The following GCNT1 variants were observed in gnomAD, a reference collection of about 807,000 sequenced individuals.
The protein encoded by GCNT1 is glucosaminyl (N-acetyl) transferase 1.
Under a neutral mutation model 26.2 loss-of-function variants are expected in GCNT1, and 16 were observed. The observed-to-expected ratio is 0.61, with a 90% CI of 0.41 to 0.93. The LOEUF (loss-of-function observed/expected upper bound fraction) is 0.93. Among genes scored for constraint, GCNT1 ranks in the 40% least tolerant of loss-of-function variants. GCNT1 has a pLI of 0.00. For synonymous variants in GCNT1, 183 were observed against 190.8 expected (o/e 0.96, Z 0.34); for missense variants, 477 against 526.7 (o/e 0.91, Z 0.92).
At chr9:76,470,728 A>G (rs1824113159) in intron 2 of GCNT1, among the ~76,000 whole-genome samples, 1 of 152,108 alleles carries the variant, frequency 6.6e-6, no homozygotes, top group Non-Finnish European at 1.5e-5. Flanking sequence ...AAAACATCAC[A>G]TTATACCCCA....
At chr9:76,432,152 G>A (rs1384372821) in intron 1 of GCNT1, among the ~76,000 whole-genome samples, 1 of 152,052 alleles carries the variant, frequency 6.6e-6, no homozygotes, top group Non-Finnish European at 1.5e-5. Flanking sequence ...GGTTTTAGAA[G>A]CTCCTTGCCA....
At chr9:76,394,535 C>T in the GCNT1 span, 19 of 185,148 alleles carry the variant, frequency 1.0e-4, no homozygotes, top group Admixed American at 3.1e-4. Context: ...GCCCGCTCGG[C>T]TTCCGTAGCC....
chr9:76,493,323 G>GT (rs1200206566), intron 2 of GCNT1, among the ~76,000 whole-genome samples: 1 of 152,126 alleles, frequency 6.6e-6, no homozygotes, highest in Admixed American at 6.5e-5. Context: ...AAGATACCAG[G>GT]TATCTCCAAA....
intron 2 of GCNT1, among the ~76,000 whole-genome samples, chr9:76,478,154 C>T (rs750469722): frequency 3.3e-5 from 5 of 152,202 alleles, no homozygotes; most frequent in South Asian, 2.1e-4. Flanking sequence ...GCCATCCCAG[C>T]GAGTAGCGGC....
intron 1 of GCNT1, among the ~76,000 whole-genome samples, chr9:76,421,438 T>A (rs1564218397): frequency 6.6e-6 from 1 of 150,698 alleles, no homozygotes; most frequent in African/African-American, 2.4e-5. Flanking sequence ...CATCTCTATT[T>A]AAAAAAAATA....
At chr9:76,485,061 A>C (rs1824535208) in intron 2 of GCNT1, among the ~76,000 whole-genome samples, 1 of 151,922 alleles carries the variant, frequency 6.6e-6, no homozygotes, top group African/African-American at 2.4e-5. Flanking sequence ...TGCTGGGATT[A>C]CTGGCGTGAG....
Position 76,503,725 on chromosome 9 carries a change from G to C in GCNT1, c.*57G>C, listed in dbSNP as rs1825159451. 6 of 1,367,262 alleles carry C rather than the reference G, an allele frequency of 4.4e-6. No individual in the cohort carries two copies. The highest frequency in any genetic ancestry group is 1.2e-5 in the South Asian group (1 of 83,140). 84.7% of individuals were successfully genotyped at this position (1,367,262 alleles called of 1,614,324 possible). A position where few individuals can be genotyped will look rare whatever the true frequency, so the allele number is the denominator to read the frequency against. ...GGATACACAAAACGTACCCTTATCTGTTTCCCCTTCCTTGTCAGCATCGGG... is the reference window on the plus strand; with the variant it reads ...GGATACACAAAACGTACCCTTATCTCTTTCCCCTTCCTTGTCAGCATCGGG... On this transcript the variant is annotated 3_prime_UTR_variant, in exon 4 of 4. Coordinates refer to ENST00000376730, the MANE Select transcript of GCNT1 (RefSeq NM_001490.5).
chr9:76,453,525 G>A (rs780422851), intron 1 of GCNT1, among the ~76,000 whole-genome samples: 22 of 150,110 alleles, frequency 1.5e-4, no homozygotes, highest in Non-Finnish European at 2.8e-4. Flanking sequence ...GTACTCAGTG[G>A]GGGAAGAGGA....
intron 2 of GCNT1, among the ~76,000 whole-genome samples, chr9:76,463,897 T>C (rs1399143113): frequency 2.6e-5 from 4 of 152,116 alleles, no homozygotes; most frequent in South Asian, 2.1e-4. Flanking sequence ...AAAAATGATA[T>C]TTAAAATAAG....
chr9:76,431,694 T>C (rs1163128368), intron 1 of GCNT1, among the ~76,000 whole-genome samples: 1 of 152,192 alleles, frequency 6.6e-6, no homozygotes, highest in Non-Finnish European at 1.5e-5. Context: ...GAGGTCAGGC[T>C]GATATCAAAG....
chr9:76,406,496 CAAAAAAAAA>C, the GCNT1 span, among the ~76,000 whole-genome samples: 4 of 62,466 alleles, frequency 6.4e-5, no homozygotes, highest in African/African-American at 1.7e-4. Flanking sequence ...GACCCTGTCT[CAAAAAAAAA>C]AAAAAAAAAG....
intron 2 of GCNT1, among the ~76,000 whole-genome samples, chr9:76,473,318 G>A (rs887580950): frequency 1.3e-5 from 2 of 152,120 alleles, no homozygotes; most frequent in East Asian, 1.9e-4. Flanking sequence ...ATTTATGTTT[G>A]TATTTTTCTC....
chr9:76,476,484 G>A (rs1264483096), intron 2 of GCNT1, among the ~76,000 whole-genome samples: 1 of 150,840 alleles, frequency 6.6e-6, no homozygotes, highest in African/African-American at 2.4e-5. Flanking sequence ...GAATTTCAAA[G>A]TAGACAATGA....
At chr9:76,440,839 G>A (rs915209307), upstream of GCNT1, among the ~76,000 whole-genome samples, 1 of 152,006 alleles carries the variant, frequency 6.6e-6, no homozygotes, top group Non-Finnish European at 1.5e-5. Flanking sequence ...GTTGAGGCGG[G>A]TGGATCACAA....
At chr9:76,424,453 G>A (rs1264952215) in intron 1 of GCNT1, among the ~76,000 whole-genome samples, 1 of 152,190 alleles carries the variant, frequency 6.6e-6, no homozygotes, top group African/African-American at 2.4e-5. Context: ...GGTAATGAAT[G>A]AATTTGGAAC....
intron 2 of GCNT1, among the ~76,000 whole-genome samples, chr9:76,489,362 G>T (rs1479126222): frequency 6.6e-6 from 1 of 152,180 alleles, no homozygotes; most frequent in Admixed American, 6.5e-5. Context: ...GACCTTTGCA[G>T]TGAGTGTTAC....
At chr9:76,408,186 AG>A in the GCNT1 span, among the ~76,000 whole-genome samples, 1 of 152,202 alleles carries the variant, frequency 6.6e-6, no homozygotes, top group African/African-American at 2.4e-5. Flanking sequence ...GAGTGGTAAG[AG>A]GGGAAATCTT....
At chr9:76,488,027 C>T (rs66499756) in intron 2 of GCNT1, among the ~76,000 whole-genome samples, 17,551 of 152,270 alleles carry the variant, frequency 0.12, 1,114 homozygotes, top group Middle Eastern at 0.19. Flanking sequence ...AGCCATGGCA[C>T]CTGTCTAATA....
At chr9:76,456,511 A>T (rs1823759706), upstream of GCNT1, among the ~76,000 whole-genome samples, 1 of 152,118 alleles carries the variant, frequency 6.6e-6, no homozygotes, top group Admixed American at 6.6e-5. Context: ...TCTCTCTGTT[A>T]CTACAATGTT....
Sources: allele counts gnomAD v4.1 joint callset (sites outside exome capture counted in the v4.1 genomes callset), GRCh38; gene constraint gnomAD v4.1.1; transcripts MANE v1.5; gene names NCBI Gene and HGNC (gene_info 2026-07-23, HGNC 2026-07-21).